Variants in WBP4 observed in about 807,000 individuals in gnomAD.
WBP4 encodes the protein WW domain-binding protein 4.
Under a neutral mutation model 55.4 loss-of-function variants are expected in WBP4, and 37 were observed. That is an observed-to-expected ratio of 0.67 (90% CI 0.51 to 0.88). The LOEUF is 0.88. Among genes scored for constraint, WBP4 ranks in the 40% least tolerant of loss-of-function variants. The probability of loss-of-function intolerance (pLI) is 0.00; values close to 1 mark genes in which losing one functional copy is unlikely to be tolerated. For missense variants in WBP4, 398 were observed against 420.8 expected (o/e 0.95, Z 0.47); for synonymous variants, 142 against 140.2 (o/e 1.01, Z -0.09).
At chr13:41,071,676 C>A in intron 6 of WBP4, 103 bp downstream of exon 6, 2 of 997,204 alleles carry the variant, frequency 2.0e-6, no homozygotes, top group Non-Finnish European at 3.0e-6. Flanking sequence ...ACAAATACTC[C>A]ACTCCCTCCA....
chr13:41,062,232 A>C (rs578170595), intron 1 of WBP4: 1 of 982,972 alleles, frequency 1.0e-6, no homozygotes, highest in East Asian at 1.2e-4. Flanking sequence ...TTTTCCCCAG[A>C]GTAGTCTTGT....
chr13:41,078,363 A>G (rs1445902493), intron 8 of WBP4, among the ~76,000 whole-genome samples: 1 of 152,220 alleles, frequency 6.6e-6, no homozygotes, highest in Non-Finnish European at 1.5e-5. Flanking sequence ...CTGATCTTCA[A>G]CAAAATCAAC....
In WBP4 at chr13:41,062,635, C is replaced by A. The variant is rs1253716578; in HGVS notation, c.3-9C>A. ...ACATGAGCTTAGCCTTGTTGTCTCT[C>A]TTTTTCAGGGCGGACTACTGGAAGT... On this transcript the variant is annotated splice_polypyrimidine_tract_variant and intron_variant, in intron 1 of 9. Coordinates refer to ENST00000379487, the MANE Select transcript of WBP4 (RefSeq NM_007187.5). 1 of 1,612,494 alleles carries A rather than the reference C, an allele frequency of 6.2e-7. No homozygotes were observed. Among genetic ancestry groups the A allele is most frequent in the Non-Finnish European group, 8.5e-7 (1 of 1,179,414 alleles).
At chr13:41,077,491 CA>C (rs906898131) in intron 8 of WBP4, among the ~76,000 whole-genome samples, 5 of 143,996 alleles carry the variant, frequency 3.5e-5, no homozygotes, top group East Asian at 2.0e-4. Flanking sequence ...GACTCTGTCT[CA>C]AAAAAAAAAG....
chr13:41,061,585 C>T lies in WBP4; in HGVS notation c.-89C>T, dbSNP rs376073672. ...ATCGGAGGGAGGTTCGGGTGGGCATCGGGCGGCTGGAAGAGCTCGACTCGT... is the reference window on the plus strand; with the variant it reads ...ATCGGAGGGAGGTTCGGGTGGGCATTGGGCGGCTGGAAGAGCTCGACTCGT... On this transcript the variant is annotated 5_prime_UTR_variant, in exon 1 of 10. Coordinates refer to ENST00000379487, the MANE Select transcript of WBP4 (RefSeq NM_007187.5). The T allele has an allele frequency of 2.5e-4, 404 of 1,605,342 alleles. No individual in the cohort carries two copies. The African/African-American group carries it at 4.6e-3, about 18-fold the overall frequency.
Position 41,080,824 on chromosome 13 carries a change from CT to C in WBP4, c.920+18del. The C allele has an allele frequency of 6.3e-7, 1 of 1,594,522 alleles. No homozygotes were observed. The highest frequency in any genetic ancestry group is 1.2e-5 in the South Asian group (1 of 86,446). On this transcript the variant is annotated intron_variant, in intron 9 of 9. Transcript: ENST00000379487. ...GTTGAGTCTCAGTAAGTACCTGGAG[CT>C]TTAATCCCACTGTTATTACAAGTGA...
Position 41,080,706 on chromosome 13 carries a change from C to G in WBP4, c.817C>G (p.Gln273Glu), listed in dbSNP as rs1412621025. 3.1e-6 allele frequency: 5 copies of G among 1,604,148 alleles called. No individual in the cohort carries two copies. Among genetic ancestry groups the G allele is most frequent in the Non-Finnish European group, 4.2e-6 (5 of 1,177,762 alleles). Residue 273 changes from glutamine (Q) to glutamate (E), a missense_variant, in exon 9 of 10, where the codon CAG becomes GAG. Transcript: ENST00000379487. Reference protein sequence around the residue: ...DPETQKEKSIQKQNSLGSNEE... With the variant: ...DPETQKEKSIEKQNSLGSNEE... ...AGAAACACAGAAAGAAAAAAGTATT[C>G]AGAAACAGAATTCATTAGGTTCAAA...
chr13:41,067,662 C>T (rs1211005797), intron 4 of WBP4, among the ~76,000 whole-genome samples: 1 of 152,080 alleles, frequency 6.6e-6, no homozygotes, highest in Non-Finnish European at 1.5e-5. Context: ...GCACTCCAGC[C>T]TGGACAACAT....
At chr13:41,064,469 T>C (rs1283934470) in intron 2 of WBP4, among the ~76,000 whole-genome samples, 1 of 152,156 alleles carries the variant, frequency 6.6e-6, no homozygotes, top group Non-Finnish European at 1.5e-5. Flanking sequence ...TGCCAAATTA[T>C]CCTCCATAGA....
intron 1 of WBP4, chr13:41,062,274 T>G: frequency 1.0e-6 from 1 of 985,154 alleles, no homozygotes. Context: ...TAACTTGATT[T>G]AAGGCAAACT....
chr13:41,061,752 C>G (rs1450650428), intron 1 of WBP4, 77 bp downstream of exon 1: 2 of 1,602,884 alleles, frequency 1.2e-6, no homozygotes, highest in African/African-American at 2.7e-5. Context: ...TCTTCCCCTC[C>G]TCTCCTCCCG....
chr13:41,062,820 C>T, intron 2 of WBP4, 104 bp downstream of exon 2: 5 of 925,006 alleles, frequency 5.4e-6, no homozygotes, highest in Non-Finnish European at 7.8e-6. Flanking sequence ...GTACATTGCT[C>T]TTGCATTTTC....
chr13:41,077,311 C>T (rs1250991029), intron 8 of WBP4, among the ~76,000 whole-genome samples: 1 of 151,946 alleles, frequency 6.6e-6, no homozygotes, highest in Non-Finnish European at 1.5e-5. Flanking sequence ...AGAAACATAC[C>T]TCATAATAAT....
Position 41,080,773 on chromosome 13 carries a change from G to T in WBP4, c.884G>T (p.Gly295Val). 1.2e-6 allele frequency: 2 copies of T among 1,607,500 alleles called. No homozygotes were observed. The highest frequency in any genetic ancestry group is 1.7e-6 in the Non-Finnish European group (2 of 1,178,598). ...SKTLKKSNPYGEWQEIKQEVE... is the reference protein window; with the variant it reads ...SKTLKKSNPYVEWQEIKQEVE... ...ACTCTTAAGAAATCAAACCCATATGGAGAATGGCAAGAAATTAAACAAGAG... is the reference window on the plus strand; with the variant it reads ...ACTCTTAAGAAATCAAACCCATATGTAGAATGGCAAGAAATTAAACAAGAG... Residue 295 changes from glycine to valine, a missense_variant, in exon 9 of 10, where the codon GGA becomes GTA. By Grantham distance (109) the Gly-to-Val change is moderately radical. Coordinates refer to ENST00000379487, the MANE Select transcript of WBP4 (RefSeq NM_007187.5).
Position 41,076,104 on chromosome 13 carries a change from A to T in WBP4, c.623A>T (p.Lys208Met). Residue 208 changes from lysine (K) to methionine (M), a missense_variant, in exon 8 of 10, where the codon AAG becomes ATG. Physicochemically the swap from Lys to Met is moderately conservative, Grantham distance 95. Coordinates refer to ENST00000379487, the MANE Select transcript of WBP4 (RefSeq NM_007187.5). Reference sequence around the variant, plus strand: ...CACACTAGTGATCTGCCTTCTAGTAAGGTCAATGAAAATTCACTTGGCACC... The same window carrying T: ...CACACTAGTGATCTGCCTTCTAGTATGGTCAATGAAAATTCACTTGGCACC... ...IPHTSDLPSS[K>M]VNENSLGTLD... 6.2e-7 allele frequency: 1 copy of T among 1,613,614 alleles called. No homozygotes were observed. Among genetic ancestry groups the T allele is most frequent in the Non-Finnish European group, 8.5e-7 (1 of 1,179,934 alleles).
At chr13:41,067,956 A>G (rs1414790774) in intron 4 of WBP4, among the ~76,000 whole-genome samples, 1 of 152,134 alleles carries the variant, frequency 6.6e-6, no homozygotes, top group Non-Finnish European at 1.5e-5. Context: ...GGAAGGGAGC[A>G]GGTAGTGGGG....
chr13:41,079,541 CAAAAAAAA>C (rs35433682), intron 8 of WBP4, among the ~76,000 whole-genome samples: 1 of 101,680 alleles, frequency 9.8e-6, no homozygotes, highest in Admixed American at 1.1e-4. Flanking sequence ...GACTCCGTCT[CAAAAAAAA>C]AAAAAAAAAA....
At chr13:41,070,089 A>G (rs1310195728) in intron 5 of WBP4, among the ~76,000 whole-genome samples, 1 of 152,194 alleles carries the variant, frequency 6.6e-6, no homozygotes, top group Non-Finnish European at 1.5e-5. Context: ...AAGCTTGATA[A>G]AAGGAGGAAT....
intron 9 of WBP4, among the ~76,000 whole-genome samples, chr13:41,081,157 A>T (rs932560567): frequency 6.6e-6 from 1 of 152,060 alleles, no homozygotes; most frequent in Non-Finnish European, 1.5e-5. Flanking sequence ...AAATCGCGCC[A>T]CTGGACTCCA....
Sources: gnomAD v4.1 joint callset for allele counts (sites outside exome capture counted in the v4.1 genomes callset) on GRCh38, gnomAD v4.1.1 for gene constraint, MANE v1.5 for transcripts, NCBI Gene and HGNC (gene_info 2026-07-23, HGNC 2026-07-21) for gene names.